LHFPL3: variants seen among roughly 807,000 people sequenced by gnomAD.
LHFPL3 encodes LHFPL tetraspan subfamily member 3.
Under a neutral mutation model 19.3 loss-of-function variants are expected in LHFPL3, and 5 were observed. That is an observed-to-expected ratio of 0.26 (90% CI 0.14 to 0.54). The LOEUF (loss-of-function observed/expected upper bound fraction) is 0.54. Among genes scored for constraint, LHFPL3 ranks in the 20% least tolerant of loss-of-function variants. The pLI, the probability that LHFPL3 is intolerant of heterozygous loss-of-function variation, is 0.94. For missense variants in LHFPL3, 249 were observed against 307.4 expected (o/e 0.81, Z 1.42); for synonymous variants, 133 against 126.2 (o/e 1.05, Z -0.36).
Position 104,835,441 on chromosome 7 carries a change from C to G in LHFPL3, c.683-70746C>G, listed in dbSNP as rs935012704. On this transcript the variant is annotated intron_variant, in intron 2 of 2. Coordinates refer to ENST00000424859, the MANE Select transcript of LHFPL3 (RefSeq NM_199000.3). ...CAGCAAGAAGGTAAGCTTAGATGAGCTATGATCCTGGAGTGGCAGTCACTC... is the reference window on the plus strand; with the variant it reads ...CAGCAAGAAGGTAAGCTTAGATGAGGTATGATCCTGGAGTGGCAGTCACTC... Among the ~76,000 whole-genome samples the G allele has an allele frequency of 7.4e-5, 11 of 147,948 alleles. No homozygotes were observed. In the Admixed American group the frequency reaches 7.4e-4, roughly 10 times the overall value.
chr7:104,414,289 A>C (rs2116518709), intron 1 of LHFPL3, among the ~76,000 whole-genome samples: 1 of 152,348 alleles, frequency 6.6e-6, no homozygotes, highest in South Asian at 2.1e-4. Context: ...CTTTTTAACA[A>C]ACATACAGAG....
At chr7:104,607,530 A>ATG (rs1190066286) in intron 1 of LHFPL3, among the ~76,000 whole-genome samples, 4 of 152,230 alleles carry the variant, frequency 2.6e-5, no homozygotes, top group African/African-American at 9.6e-5. Flanking sequence ...AGTCATCACC[A>ATG]TGAGTAAGTC....
At chr7:104,689,104 T>C (rs1463905989) in intron 1 of LHFPL3, among the ~76,000 whole-genome samples, 1 of 152,106 alleles carries the variant, frequency 6.6e-6, no homozygotes, top group Non-Finnish European at 1.5e-5. Flanking sequence ...GTGAAATAGA[T>C]TTGTGAGGGG....
intron 1 of LHFPL3, among the ~76,000 whole-genome samples, chr7:104,368,384 G>C (rs1417570623): frequency 1.3e-5 from 2 of 152,190 alleles, no homozygotes; most frequent in African/African-American, 4.8e-5. Context: ...GGTTCAGTTT[G>C]AGACTTTTAA....
At chr7:104,352,787 C>T (rs1223531450) in intron 1 of LHFPL3, among the ~76,000 whole-genome samples, 1 of 152,246 alleles carries the variant, frequency 6.6e-6, no homozygotes, top group African/African-American at 2.4e-5. Flanking sequence ...CGTGACCTCA[C>T]TTCCACATCT....
intron 1 of LHFPL3, among the ~76,000 whole-genome samples, chr7:104,454,340 T>G (rs1792500637): frequency 6.6e-6 from 1 of 152,196 alleles, no homozygotes; most frequent in Non-Finnish European, 1.5e-5. Flanking sequence ...AAGGTCAAGT[T>G]GTAAACAAAG....
chr7:104,541,165 C>T (rs957801652), intron 1 of LHFPL3, among the ~76,000 whole-genome samples: 3 of 147,480 alleles, frequency 2.0e-5, no homozygotes, highest in African/African-American at 7.4e-5. Flanking sequence ...TGGCTAACTC[C>T]TTCAGTTCCA....
At chr7:104,755,199 A>G (rs1211981358) in intron 2 of LHFPL3, among the ~76,000 whole-genome samples, 1 of 152,142 alleles carries the variant, frequency 6.6e-6, no homozygotes, top group Non-Finnish European at 1.5e-5. Flanking sequence ...CCAGGTGATG[A>G]CACGGCACAG....
In LHFPL3 at chr7:104,676,268, C is replaced by T. The variant is rs77434706; in HGVS notation, c.446-60407C>T. The stretch of plus-strand genomic sequence containing the variant: ...AGGCAAAACCAAGATCAGGTTTAAA[C>T]AGAGGACTAATATCCCTGGCATAGA... On this transcript the variant is annotated intron_variant, in intron 1 of 2. Coordinates refer to ENST00000424859, the MANE Select transcript of LHFPL3 (RefSeq NM_199000.3). Among the ~76,000 whole-genome samples, 315 of 152,290 alleles carry T rather than the reference C, an allele frequency of 2.1e-3. 1 individual carries two copies. Among genetic ancestry groups the T allele is most frequent in the African/African-American group, 7.2e-3 (300 of 41,570 alleles).
chr7:104,468,484 G>A (rs1346997906), intron 1 of LHFPL3, among the ~76,000 whole-genome samples: 5 of 152,102 alleles, frequency 3.3e-5, no homozygotes, highest in African/African-American at 1.2e-4. Context: ...TAATTGTCAT[G>A]GCTTTTTGGG....
chr7:104,635,425 T>C (rs944378351), intron 1 of LHFPL3, among the ~76,000 whole-genome samples: 1 of 152,122 alleles, frequency 6.6e-6, no homozygotes, highest in Admixed American at 6.5e-5. Flanking sequence ...TGGAAAAGCT[T>C]CTGGAGAGAA....
At chr7:104,719,320 A>C (rs1793445263) in intron 1 of LHFPL3, among the ~76,000 whole-genome samples, 1 of 152,194 alleles carries the variant, frequency 6.6e-6, no homozygotes, top group African/African-American at 2.4e-5. Flanking sequence ...TATACCTTTT[A>C]AGAACATATA....
intron 2 of LHFPL3, among the ~76,000 whole-genome samples, chr7:104,880,161 T>C (rs901742406): frequency 1.3e-5 from 2 of 152,068 alleles, no homozygotes; most frequent in African/African-American, 2.4e-5. Context: ...GTGGGAGGTG[T>C]TTGAGTCATG....
intron 2 of LHFPL3, among the ~76,000 whole-genome samples, chr7:104,772,620 A>C (rs1208413676): frequency 6.6e-6 from 1 of 152,238 alleles, no homozygotes; most frequent in Non-Finnish European, 1.5e-5. Flanking sequence ...TGCAAAGTGA[A>C]TGGAAACATC....
At chr7:104,613,402 G>A (rs1050587988) in intron 1 of LHFPL3, among the ~76,000 whole-genome samples, 9 of 152,096 alleles carry the variant, frequency 5.9e-5, no homozygotes, top group African/African-American at 1.4e-4. Flanking sequence ...TTCCTTTCTT[G>A]TGTAATTGCA....
At chr7:104,810,595 A>G (rs924987916) in intron 2 of LHFPL3, among the ~76,000 whole-genome samples, 1 of 152,220 alleles carries the variant, frequency 6.6e-6, no homozygotes, top group South Asian at 2.1e-4. Flanking sequence ...AAGTCAGGAG[A>G]GGAAAGGCAT....
chr7:104,616,376 A>G (rs1791340543), intron 1 of LHFPL3, among the ~76,000 whole-genome samples: 1 of 152,220 alleles, frequency 6.6e-6, no homozygotes, highest in African/African-American at 2.4e-5. Flanking sequence ...TGACAAAAAC[A>G]AGAAATGGGG....
chr7:104,595,351 G>T, intron 1 of LHFPL3, among the ~76,000 whole-genome samples: 1 of 152,210 alleles, frequency 6.6e-6, no homozygotes, highest in Non-Finnish European at 1.5e-5. Context: ...GACCCTGTTT[G>T]CCTGGGTATT....
chr7:104,611,016 G>A (rs577731125), intron 1 of LHFPL3, among the ~76,000 whole-genome samples: 4 of 152,256 alleles, frequency 2.6e-5, no homozygotes, highest in South Asian at 2.1e-4. Flanking sequence ...TGAGATGCTG[G>A]CAATTTTTAA....
Sources: gnomAD v4.1 joint callset for allele counts (sites outside exome capture counted in the v4.1 genomes callset) on GRCh38, gnomAD v4.1.1 for gene constraint, MANE v1.5 for transcripts, NCBI Gene and HGNC (gene_info 2026-07-23, HGNC 2026-07-21) for gene names.